TENM4: variants seen among roughly 807,000 people sequenced by gnomAD.
The protein encoded by TENM4 is teneurin-4.
Under a neutral mutation model 243.3 loss-of-function variants are expected in TENM4, and 82 were observed. That is an observed-to-expected ratio of 0.34 (90% confidence interval 0.28 to 0.40). TENM4 has a LOEUF of 0.40. Ranked by LOEUF, TENM4 falls within the 10% of genes least tolerant of loss-of-function variation. The probability of loss-of-function intolerance (pLI) is 1.00; values close to 1 mark genes in which losing one functional copy is unlikely to be tolerated. For synonymous variants in TENM4, 1,412 were observed against 1,456.3 expected (o/e 0.97, Z 0.69); for missense variants, 3,138 against 3,673.3 (o/e 0.85, Z 3.77).
intron 1 of TENM4, among the ~76,000 whole-genome samples, chr11:79,374,885 C>A (rs980146400): frequency 1.3e-5 from 2 of 152,180 alleles, no homozygotes; most frequent in Non-Finnish European, 2.9e-5. Context: ...TAAACACACA[C>A]GCACTTCATG....
At chr11:79,374,050 T>C (rs374951363) in intron 1 of TENM4, among the ~76,000 whole-genome samples, 6 of 152,260 alleles carry the variant, frequency 3.9e-5, no homozygotes, top group African/African-American at 1.4e-4. Context: ...AATCAATACT[T>C]ATCCACAGAG....
At chr11:79,073,382 G>A (rs562308859) in intron 4 of TENM4, among the ~76,000 whole-genome samples, 5 of 152,154 alleles carry the variant, frequency 3.3e-5, no homozygotes, top group Non-Finnish European at 7.3e-5. Flanking sequence ...CCCACTAGAT[G>A]ATCTTTTTTT....
chr11:79,146,733 C>T (rs1436663863), intron 4 of TENM4, among the ~76,000 whole-genome samples: 1 of 152,126 alleles, frequency 6.6e-6, no homozygotes, highest in Non-Finnish European at 1.5e-5. Context: ...ACATCCTATG[C>T]TGCATCCTCC....
intron 6 of TENM4, among the ~76,000 whole-genome samples, chr11:79,039,772 CA>C (rs1379528677): frequency 6.6e-6 from 1 of 152,230 alleles, no homozygotes; most frequent in Non-Finnish European, 1.5e-5. Flanking sequence ...GCACGTTCAG[CA>C]CATGTATCTC....
chr11:79,274,717 G>T (rs931645038), intron 2 of TENM4, among the ~76,000 whole-genome samples: 1 of 152,176 alleles, frequency 6.6e-6, no homozygotes, highest in Non-Finnish European at 1.5e-5. Flanking sequence ...GGGGAAAAAG[G>T]CTTAAACATG....
intron 6 of TENM4, among the ~76,000 whole-genome samples, chr11:78,928,001 G>A (rs952795934): frequency 2.0e-5 from 3 of 152,048 alleles, no homozygotes; most frequent in Non-Finnish European, 2.9e-5. Flanking sequence ...CTCTTCCAAG[G>A]AGACCACCAA....
chr11:79,163,004 G>T (rs552875844), intron 3 of TENM4, among the ~76,000 whole-genome samples: 54 of 152,350 alleles, frequency 3.5e-4, no homozygotes, highest in Non-Finnish European at 6.9e-4. Context: ...GCACATACAT[G>T]CATAAACATG....
At chr11:79,248,053 G>A (rs1855550322) in intron 2 of TENM4, among the ~76,000 whole-genome samples, 1 of 152,186 alleles carries the variant, frequency 6.6e-6, no homozygotes, top group Admixed American at 6.5e-5. Context: ...TCTGGTGGAA[G>A]GTGGAAGAGC....
At chr11:78,941,717 T>TCC (rs1217306775) in intron 6 of TENM4, among the ~76,000 whole-genome samples, 1 of 152,128 alleles carries the variant, frequency 6.6e-6, no homozygotes, top group Non-Finnish European at 1.5e-5. Flanking sequence ...GAGCAGACTC[T>TCC]CCCTGCAGCC....
intron 15 of TENM4, 23 bp downstream of exon 15, chr11:78,805,269 G>T (rs149040239): frequency 1.4e-4 from 2 of 14,414 alleles, no homozygotes; most frequent in Non-Finnish European, 1.2e-4. Context: ...CTCTACCCAT[G>T]CTTCTTCTCC....
intron 12 of TENM4, among the ~76,000 whole-genome samples, chr11:78,849,633 C>T (rs764760711): frequency 9.2e-5 from 14 of 152,036 alleles, no homozygotes; most frequent in Non-Finnish European, 1.2e-4. Flanking sequence ...GTAAGTGATA[C>T]CAAAAACGGG....
At chr11:78,798,107 A>G (rs1857198007) in intron 15 of TENM4, among the ~76,000 whole-genome samples, 1 of 152,164 alleles carries the variant, frequency 6.6e-6, no homozygotes, top group Admixed American at 6.5e-5. Context: ...AAAGCATCTC[A>G]CTCAGTCTTT....
chr11:79,072,724 G>A (rs146416353), intron 4 of TENM4, among the ~76,000 whole-genome samples: 32 of 152,046 alleles, frequency 2.1e-4, no homozygotes, highest in African/African-American at 7.2e-4. Context: ...GCACTATTCT[G>A]GTATAATTTG....
intron 4 of TENM4, chr11:79,093,193 C>T (rs1026511578): frequency 2.0e-5 from 3 of 152,228 alleles, no homozygotes; most frequent in African/African-American, 7.2e-5. Flanking sequence ...AAGTCTGTTT[C>T]CTCTTTGCCA....
chr11:79,227,948 G>A (rs1286850132), intron 2 of TENM4, among the ~76,000 whole-genome samples: 1 of 152,226 alleles, frequency 6.6e-6, no homozygotes. Flanking sequence ...GTAGAGGGTA[G>A]CATTGTCCTT....
At chr11:79,333,916 G>C (rs781337126) in intron 1 of TENM4, among the ~76,000 whole-genome samples, 1 of 152,108 alleles carries the variant, frequency 6.6e-6, no homozygotes, top group African/African-American at 2.4e-5. Flanking sequence ...TTCCCTAATG[G>C]GTTTCACACT....
In TENM4 at chr11:79,236,450, G is replaced by A. The variant is rs528706619; in HGVS notation, c.-264-20541C>T. Among the ~76,000 whole-genome samples, 3 of 152,214 alleles carry A rather than the reference G, an allele frequency of 2.0e-5. No homozygotes were observed. The East Asian group carries it at 5.8e-4, about 29-fold the overall frequency. ...AGGGTTATTTGCTCCTAAATGAAAT[G>A]GCCCCAGCATCATTTCATGCTTTTG... On this transcript the variant is annotated intron_variant, in intron 2 of 33. Coordinates refer to ENST00000278550, the MANE Select transcript of TENM4 (RefSeq NM_001098816.3).
At position 78,812,930 on chromosome 11, in the gene TENM4, T is replaced by C. The variant is rs1430428634; in HGVS notation, c.1784-614A>G. 3.3e-5 allele frequency among the ~76,000 whole-genome samples: 5 copies of C among 152,194 alleles called. No homozygotes were observed. In the South Asian group the frequency reaches 6.2e-4, roughly 19 times the overall value. On this transcript the variant is annotated intron_variant, in intron 13 of 33. Coordinates refer to ENST00000278550, the MANE Select transcript of TENM4 (RefSeq NM_001098816.3). The stretch of plus-strand genomic sequence containing the variant: ...GATCTTCTCTATGAAGGATACTATA[T>C]AAAAATAAATTATACTGCATTGTGC...
intron 1 of TENM4, among the ~76,000 whole-genome samples, chr11:79,343,749 A>C (rs1237480699): frequency 6.6e-6 from 1 of 152,180 alleles, no homozygotes; most frequent in Non-Finnish European, 1.5e-5. Flanking sequence ...TGTTACCAGT[A>C]CTAATTAGTT....
Sources: gnomAD v4.1 joint callset for allele counts (sites outside exome capture counted in the v4.1 genomes callset) on GRCh38, gnomAD v4.1.1 for gene constraint, MANE v1.5 for transcripts, NCBI Gene and HGNC (gene_info 2026-07-23, HGNC 2026-07-21) for gene names.